The following PCDHA7 variants were observed in gnomAD, a reference collection of about 807,000 sequenced individuals.
The protein encoded by PCDHA7 is protocadherin alpha 7.
PCDHA7 carries 37 observed loss-of-function variants against 57.2 expected under a neutral mutation model. The ratio of observed to expected loss-of-function variants is 0.65; its 90% CI spans 0.50 to 0.85. The LOEUF (loss-of-function observed/expected upper bound fraction) is 0.85, where lower values mean the gene tolerates loss of function less well. Ranked by LOEUF, PCDHA7 falls within the 40% of genes least tolerant of loss-of-function variation. The pLI is 0.00. For missense variants in PCDHA7, 1,188 were observed against 1,241.8 expected, an observed-to-expected ratio of 0.96 and a Z score of 0.65; for synonymous variants, 553 against 558.8, an observed-to-expected ratio of 0.99 and a Z score of 0.15.
In PCDHA7 at chr5:140,848,293, C is replaced by T. The variant is rs2150408206; in HGVS notation, c.2355+11555C>T. On this transcript the variant is annotated intron_variant, in intron 1 of 3. Transcript: ENST00000525929. ...TGAAATATGTACTTACACTTTGGGC[C>T]ACGTGATGTCACTCTTTGCCGCGAT... The T allele has an allele frequency of 2.0e-5, 13 of 642,032 alleles. 2 individuals are homozygous for T. The highest frequency in any genetic ancestry group is 3.2e-5 in the Non-Finnish European group (12 of 369,632). 39.8% of individuals were successfully genotyped at this position (642,032 alleles called of 1,614,324 possible).
At chr5:140,877,935 C>A (rs1184618592) in intron 1 of PCDHA7, 28 of 1,388,566 alleles carry the variant, frequency 2.0e-5, no homozygotes, top group Admixed American at 3.0e-5. Context: ...TGATTCTATC[C>A]TTTAAACTAT....
intron 1 of PCDHA7, chr5:140,871,260 G>A: frequency 1.9e-6 from 3 of 1,613,980 alleles, no homozygotes; most frequent in South Asian, 1.1e-5. Flanking sequence ...TGTATACGGC[G>A]CTGTGGTGGT....
intron 1 of PCDHA7, among the ~76,000 whole-genome samples, chr5:140,918,678 A>G (rs2078806155): frequency 6.6e-6 from 1 of 152,098 alleles, no homozygotes; most frequent in South Asian, 2.1e-4. Context: ...AAGAGGTGAG[A>G]CCTTTCAAAC....
chr5:140,957,513 T>C (rs76093065), intron 1 of PCDHA7, among the ~76,000 whole-genome samples: 3,563 of 152,232 alleles, frequency 0.023, 49 homozygotes, highest in Middle Eastern at 0.034. Flanking sequence ...TTATCCTTGG[T>C]TTCAGACATT....
At chr5:140,909,972 T>C (rs948733470) in intron 1 of PCDHA7, among the ~76,000 whole-genome samples, 1 of 152,220 alleles carries the variant, frequency 6.6e-6, no homozygotes. Context: ...TGGGGAAGGA[T>C]GGGAGAAAGA....
chr5:140,905,995 G>C (rs2072280853), intron 1 of PCDHA7, among the ~76,000 whole-genome samples: 1 of 152,114 alleles, frequency 6.6e-6, no homozygotes. Context: ...ATGTAGGCTG[G>C]GAGGCTAAGC....
intron 1 of PCDHA7, among the ~76,000 whole-genome samples, chr5:140,905,881 T>C (rs1241086266): frequency 1.3e-5 from 2 of 152,080 alleles, no homozygotes; most frequent in Non-Finnish European, 2.9e-5. Context: ...GGCCCAACAA[T>C]AGGCCATCTG....
At chr5:140,875,518 C>T in intron 1 of PCDHA7, 1 of 1,614,008 alleles carries the variant, frequency 6.2e-7, no homozygotes, top group Non-Finnish European at 8.5e-7. Flanking sequence ...GCGTCTGCTG[C>T]TCTCGCTTCT....
intron 1 of PCDHA7, among the ~76,000 whole-genome samples, chr5:140,918,233 T>C (rs1554198474): frequency 6.6e-6 from 1 of 152,210 alleles, no homozygotes; most frequent in South Asian, 2.1e-4. Context: ...TTTTTGTACA[T>C]TGATTTTGTA....
chr5:140,997,675 TG>T (rs1554255972), intron 3 of PCDHA7, among the ~76,000 whole-genome samples: 41 of 151,686 alleles, frequency 2.7e-4, no homozygotes, highest in African/African-American at 9.7e-4. Flanking sequence ...AGCTTGTGTG[TG>T]TGTGTGTGTG....
chr5:140,863,464 C>A, intron 1 of PCDHA7: 1 of 512,348 alleles, frequency 2.0e-6, no homozygotes, highest in South Asian at 1.5e-5. Context: ...AGATTTTACT[C>A]TGGAGAGTCG....
intron 1 of PCDHA7, among the ~76,000 whole-genome samples, chr5:140,899,650 T>C (rs1174353279): frequency 5.3e-5 from 8 of 152,192 alleles, no homozygotes; most frequent in African/African-American, 1.7e-4. Flanking sequence ...TCTTATTTGG[T>C]TGTGTCTCTG....
chr5:140,908,999 T>C (rs1221174156), intron 1 of PCDHA7, among the ~76,000 whole-genome samples: 1 of 152,190 alleles, frequency 6.6e-6, no homozygotes, highest in Non-Finnish European at 1.5e-5. Context: ...GAAATTTTAC[T>C]GAGGTAGAAG....
chr5:140,849,100 G>C lies in PCDHA7; in HGVS notation c.2355+12362G>C, dbSNP rs1554142751. 2.0e-6 allele frequency: 3 copies of C among 1,471,168 alleles called. No individual in the cohort carries two copies. The Admixed American group carries it at 6.2e-5, about 30-fold the overall frequency. The allele number at this position is 1,471,168 out of a possible 1,614,324, so 91.1% of individuals were successfully genotyped here. A position where few individuals can be genotyped will look rare whatever the true frequency, so the allele number is the denominator to read the frequency against. Reference sequence around the variant, plus strand: ...CTTGTATTACGGAAACTTTTAGACAGAGAAGAAACTCCGGAGCTTCATTTA... The same window carrying C: ...CTTGTATTACGGAAACTTTTAGACACAGAAGAAACTCCGGAGCTTCATTTA... On this transcript the variant is annotated intron_variant, in intron 1 of 3. Transcript: ENST00000525929.
At position 140,928,140 on chromosome 5, in the gene PCDHA7, G is replaced by A. The variant is rs200493520; in HGVS notation, c.2356-50809G>A. On this transcript the variant is annotated intron_variant, in intron 1 of 3. Coordinates refer to ENST00000525929, the MANE Select transcript of PCDHA7 (RefSeq NM_018910.3). The stretch of plus-strand genomic sequence containing the variant: ...TCAGTGAATACCAAGTCCTGATCAC[G>A]GCCTCAGATAGTGGCTCACCCCCAC... The A allele has an allele frequency of 2.7e-5, 43 of 1,614,036 alleles. 1 individual carries two copies. The South Asian group carries it at 4.2e-4, about 16-fold the overall frequency.
intron 1 of PCDHA7, chr5:140,856,196 G>T: frequency 6.3e-7 from 1 of 1,598,194 alleles, no homozygotes; most frequent in Non-Finnish European, 8.6e-7. Flanking sequence ...CATCGCGCAG[G>T]ACCTGGGGCT....
intron 1 of PCDHA7, among the ~76,000 whole-genome samples, chr5:140,890,243 A>G (rs782339518): frequency 6.6e-6 from 1 of 152,130 alleles, no homozygotes; most frequent in Non-Finnish European, 1.5e-5. Context: ...ATTTACCAGT[A>G]CACTACTGCA....
At chr5:140,999,444 C>A (rs782553983) in intron 3 of PCDHA7, among the ~76,000 whole-genome samples, 25 of 152,210 alleles carry the variant, frequency 1.6e-4, no homozygotes, top group Non-Finnish European at 3.1e-4. Flanking sequence ...GCCTCTTATT[C>A]GTTCAACGAA....
intron 1 of PCDHA7, chr5:140,876,310 G>A: frequency 6.2e-7 from 1 of 1,613,982 alleles, no homozygotes. Flanking sequence ...AATTTCCTAT[G>A]GGATCAAAAT....
Sources: allele counts gnomAD v4.1 joint callset (sites outside exome capture counted in the v4.1 genomes callset), GRCh38; gene constraint gnomAD v4.1.1; transcripts MANE v1.5; gene names NCBI Gene and HGNC (gene_info 2026-07-23, HGNC 2026-07-21).